Variants in ARHGAP8 observed in about 807,000 individuals in gnomAD.
ARHGAP8 encodes the protein rho GTPase-activating protein 8.
ARHGAP8 carries 62 observed loss-of-function variants against 46.1 expected under a neutral mutation model. The ratio of observed to expected loss-of-function variants is 1.34; its 90% confidence interval spans 1.10 to 1.66. The LOEUF is 1.66. ARHGAP8 is among the 40% of genes most tolerant of loss of function. The pLI, the probability that ARHGAP8 is intolerant of heterozygous loss-of-function variation, is 0.00. For synonymous variants in ARHGAP8, 375 were observed against 243.1 expected (o/e 1.54, Z -5.05); for missense variants, 923 against 568.4 (o/e 1.62, Z -6.34).
At chr22:44,811,725 G>A (rs76722491) in intron 4 of ARHGAP8, among the ~76,000 whole-genome samples, 4 of 152,190 alleles carry the variant, frequency 2.6e-5, no homozygotes, top group Non-Finnish European at 5.9e-5. Context: ...AATAGAATTA[G>A]ATGAGATCGC....
chr22:44,859,269 C>G (rs1038314217), intron 10 of ARHGAP8, among the ~76,000 whole-genome samples: 4 of 152,166 alleles, frequency 2.6e-5, no homozygotes, highest in African/African-American at 9.7e-5. Context: ...GTGATTGGAT[C>G]ATGAGGGCAG....
intron 5 of ARHGAP8, among the ~76,000 whole-genome samples, chr22:44,820,788 C>T (rs136657): frequency 0.25 from 38,576 of 152,058 alleles, 5,014 homozygotes; most frequent in Middle Eastern, 0.33. Flanking sequence ...GATTCTTTCT[C>T]GTCCACTAGG....
intron 1 of ARHGAP8, among the ~76,000 whole-genome samples, chr22:44,755,777 G>A (rs1177693888): frequency 1.3e-5 from 2 of 152,176 alleles, no homozygotes; most frequent in Non-Finnish European, 2.9e-5. Flanking sequence ...TGAGGCTGGG[G>A]AAGTGGGGGG....
At chr22:44,816,734 C>T (rs1929769686) in intron 5 of ARHGAP8, among the ~76,000 whole-genome samples, 1 of 147,608 alleles carries the variant, frequency 6.8e-6, no homozygotes, top group South Asian at 2.1e-4. Flanking sequence ...GAGTCCAGGA[C>T]TTCAAGGCTG....
intron 7 of ARHGAP8, among the ~76,000 whole-genome samples, chr22:44,830,880 T>C (rs1421299693): frequency 1.3e-5 from 2 of 152,172 alleles, no homozygotes. Context: ...AGGTGTCAAG[T>C]GTAGTTCATT....
intron 1 of ARHGAP8, among the ~76,000 whole-genome samples, chr22:44,773,297 C>A (rs927967781): frequency 1.3e-5 from 2 of 152,168 alleles, no homozygotes; most frequent in African/African-American, 4.8e-5. Context: ...CTTTTAATGT[C>A]TGTAGTATCT....
chr22:44,775,740 G>A (rs1024325745), intron 1 of ARHGAP8, among the ~76,000 whole-genome samples: 5 of 152,116 alleles, frequency 3.3e-5, no homozygotes, highest in African/African-American at 9.7e-5. Context: ...GTGAGCCACC[G>A]CACCTGGCCC....
intron 2 of ARHGAP8, among the ~76,000 whole-genome samples, chr22:44,795,274 C>T (rs1927998870): frequency 6.6e-6 from 1 of 152,078 alleles, no homozygotes; most frequent in Admixed American, 6.6e-5. Flanking sequence ...GGACGTGACC[C>T]AGTGTGGGCT....
chr22:44,761,942 T>C (rs1162084891), intron 1 of ARHGAP8, among the ~76,000 whole-genome samples: 1 of 152,186 alleles, frequency 6.6e-6, no homozygotes, highest in African/African-American at 2.4e-5. Context: ...ACTTATTCAC[T>C]ACCATGAGAA....
intron 9 of ARHGAP8, 58 bp downstream of exon 9, chr22:44,848,108 C>A: frequency 1.3e-6 from 2 of 1,591,466 alleles, no homozygotes; most frequent in Non-Finnish European, 1.7e-6. Context: ...CACAGCGCTC[C>A]GGGGCCTCAG....
At chr22:44,826,964 C>G (rs1429528952) in intron 7 of ARHGAP8, among the ~76,000 whole-genome samples, 1 of 152,180 alleles carries the variant, frequency 6.6e-6, no homozygotes, top group Non-Finnish European at 1.5e-5. Flanking sequence ...TGGCCCCCGA[C>G]GAAGTCCATG....
chr22:44,777,693 TTTAG>T (rs1279419665), intron 1 of ARHGAP8, among the ~76,000 whole-genome samples: 2 of 152,044 alleles, frequency 1.3e-5, no homozygotes, highest in East Asian at 1.9e-4. Context: ...TTTTATTTTA[TTTAG>T]TTAGTTGTTA....
At position 44,808,819 on chromosome 22, in the gene ARHGAP8, A is replaced by C. The variant is rs976043866; in HGVS notation, c.299+381A>C. On this transcript the variant is annotated intron_variant, in intron 4 of 11. Coordinates refer to ENST00000356099, the MANE Select transcript of ARHGAP8 (RefSeq NM_181335.3). ...TCTCTAGTAAAAATACAAAAAAAAA[A>C]AAACCAAAAACAAAAACAGAGACAG... 237 of 372,940 alleles carry C rather than the reference A, an allele frequency of 6.4e-4. 1 individual carries two copies. The highest frequency in any genetic ancestry group is 1.1e-4 in the Non-Finnish European group (21 of 192,930). 23.1% of individuals were successfully genotyped at this position (372,940 alleles called of 1,614,324 possible).
intron 2 of ARHGAP8, among the ~76,000 whole-genome samples, chr22:44,794,226 C>T (rs944944830): frequency 2.6e-5 from 4 of 152,196 alleles, no homozygotes; most frequent in Admixed American, 6.5e-5. Context: ...GTTCTGGGGC[C>T]GTGCCAAGAC....
rs574740297 is a variant in ARHGAP8 at position 44,859,929 on chromosome 22, G to A, written c.981+95G>A. 3 of 1,432,758 alleles carry A rather than the reference G, an allele frequency of 2.1e-6. No individual in the cohort carries two copies. The South Asian group carries it at 3.9e-5, about 19-fold the overall frequency. 88.8% of individuals were successfully genotyped at this position (1,432,758 alleles called of 1,614,324 possible). On this transcript the variant is annotated intron_variant, in intron 11 of 11. Coordinates refer to ENST00000356099, the MANE Select transcript of ARHGAP8 (RefSeq NM_181335.3). The stretch of plus-strand genomic sequence containing the variant: ...CCAGTCCCCTCCTTGCCCTGGGTCT[G>A]GGGTCATGCCCTGCTTGGGCCTCGG...
In ARHGAP8 at chr22:44,822,499, A is replaced by G. The variant is rs1007140673; in HGVS notation, c.485+30A>G. 5 of 1,502,486 alleles carry G rather than the reference A, an allele frequency of 3.3e-6. No homozygotes were observed. In the African/African-American group the frequency reaches 5.9e-5, roughly 18 times the overall value. The allele number at this position is 1,502,486 out of a possible 1,614,324, so 93.1% of individuals were successfully genotyped here. On this transcript the variant is annotated intron_variant, in intron 6 of 11. Transcript: ENST00000356099. The stretch of plus-strand genomic sequence containing the variant: ...GTGCCTGTTAGACCCCAGAAGCCGC[A>G]TCAATACATCTTCGTGCTTCCAAAG...
chr22:44,796,886 C>A (rs549901284), intron 2 of ARHGAP8, among the ~76,000 whole-genome samples: 3 of 152,184 alleles, frequency 2.0e-5, no homozygotes, highest in Non-Finnish European at 2.9e-5. Flanking sequence ...TTGTCAGATG[C>A]GTGGGTGGCC....
intron 2 of ARHGAP8, among the ~76,000 whole-genome samples, chr22:44,798,741 C>T (rs1320441659): frequency 6.6e-6 from 1 of 152,128 alleles, no homozygotes; most frequent in Non-Finnish European, 1.5e-5. Flanking sequence ...TGCTGGACAC[C>T]TGAAATGTGG....
chr22:44,763,707 G>A (rs1391186285), intron 1 of ARHGAP8, among the ~76,000 whole-genome samples: 1 of 151,852 alleles, frequency 6.6e-6, no homozygotes, highest in African/African-American at 2.4e-5. Context: ...AGTTTTGGCA[G>A]GAGAAGGGGA....
Sources: gnomAD v4.1 joint callset for allele counts (sites outside exome capture counted in the v4.1 genomes callset) on GRCh38, gnomAD v4.1.1 for gene constraint, MANE v1.5 for transcripts, NCBI Gene and HGNC (gene_info 2026-07-23, HGNC 2026-07-21) for gene names.